The following RARB variants were observed in gnomAD, a reference collection of about 807,000 sequenced individuals.
RARB encodes retinoic acid receptor beta, also known as HBV-activated protein.
A neutral mutation model predicts 51.9 loss-of-function variants in RARB; 17 were observed. The observed-to-expected ratio is 0.33, with a 90% CI of 0.22 to 0.49. RARB has a LOEUF of 0.49. RARB is among the 20% of genes least tolerant of loss of function. The pLI is 0.99. For synonymous variants in RARB, 215 were observed against 195.4 expected, an observed-to-expected ratio of 1.10 and a Z score of -0.84; for missense variants, 369 against 550.8, an observed-to-expected ratio of 0.67 and a Z score of 3.30.
chr3:25,303,005 A>G (rs140721446), intron 5 of RARB, among the ~76,000 whole-genome samples: 2,188 of 152,294 alleles, frequency 0.014, 29 homozygotes, highest in Middle Eastern at 0.034. Context: ...AGACTAGACA[A>G]TAATCTGAAT....
intron 5 of RARB, among the ~76,000 whole-genome samples, chr3:25,263,604 C>G (rs1035889808): frequency 6.6e-6 from 1 of 152,186 alleles, no homozygotes; most frequent in Non-Finnish European, 1.5e-5. Flanking sequence ...CTAACACACA[C>G]AGGCTATGGG....
intron 2 of RARB, among the ~76,000 whole-genome samples, chr3:24,895,492 T>C (rs1255688075): frequency 6.6e-6 from 1 of 152,192 alleles, no homozygotes; most frequent in African/African-American, 2.4e-5. Flanking sequence ...CTGTTCTAGA[T>C]TAAAGCTTAT....
At chr3:25,273,927 C>T (rs758129213) in intron 5 of RARB, among the ~76,000 whole-genome samples, 12 of 152,176 alleles carry the variant, frequency 7.9e-5, no homozygotes, top group East Asian at 1.9e-4. Context: ...AGCCCATTCT[C>T]TATGACTCCC....
In RARB at chr3:24,901,781, G is replaced by A. The variant is rs1303567157; in HGVS notation, c.-380+43029G>A. Among the ~76,000 whole-genome samples the A allele has an allele frequency of 7.2e-5, 11 of 152,044 alleles. No homozygotes were observed. In the East Asian group the frequency reaches 1.9e-3, roughly 27 times the overall value. ...ACTAGGGGGATTCCTCTGAGCTGTC[G>A]CTTCTTAGAATAGCAGTTTTAAGAT... On this transcript the variant is annotated intron_variant, in intron 2 of 11. Transcript: ENST00000383772.
At chr3:25,142,532 T>C (rs1000119350) in intron 4 of RARB, among the ~76,000 whole-genome samples, 3 of 152,102 alleles carry the variant, frequency 2.0e-5, no homozygotes, top group African/African-American at 7.2e-5. Flanking sequence ...ATATAATCTC[T>C]ATGTCCTTCC....
intron 4 of RARB, among the ~76,000 whole-genome samples, chr3:25,142,830 G>A (rs553840459): frequency 2.0e-5 from 3 of 152,052 alleles, no homozygotes; most frequent in South Asian, 2.1e-4. Flanking sequence ...GTCAAGATGC[G>A]GGAGAAAATG....
chr3:25,428,665 T>G lies in RARB; in HGVS notation c.-67T>G, dbSNP rs533573901. 284 of 1,529,454 alleles carry G rather than the reference T, an allele frequency of 1.9e-4. No homozygotes were observed. Among genetic ancestry groups the G allele is most frequent in the Middle Eastern group, 1.3e-3 (7 of 5,320 alleles). The allele number at this position is 1,529,454 out of a possible 1,614,324, so 94.7% of individuals were successfully genotyped here. ...GAGTTTGATGGAGTTGGGTGGACTT[T>G]TCTATGCCATTTGCCTCCACACCTA... On this transcript the variant is annotated 5_prime_UTR_variant, in exon 1 of 8. Coordinates refer to ENST00000330688, the MANE Select transcript of RARB (RefSeq NM_000965.5).
intron 2 of RARB, among the ~76,000 whole-genome samples, chr3:25,040,182 G>A (rs1292922436): frequency 2.6e-5 from 4 of 152,178 alleles, no homozygotes; most frequent in East Asian, 1.9e-4. Flanking sequence ...GCAAAGTGAA[G>A]CTCTTTGGGG....
intron 2 of RARB, among the ~76,000 whole-genome samples, chr3:24,975,940 C>A (rs561833819): frequency 6.6e-6 from 1 of 152,286 alleles, no homozygotes; most frequent in African/African-American, 2.4e-5. Context: ...CAACAACAGG[C>A]CCCAGTGTGG....
At chr3:25,072,369 G>A (rs1698784360) in intron 3 of RARB, among the ~76,000 whole-genome samples, 1 of 152,144 alleles carries the variant, frequency 6.6e-6, no homozygotes, top group South Asian at 2.1e-4. Flanking sequence ...GTTAGTAGAT[G>A]AGAGAGTTCA....
intron 2 of RARB, among the ~76,000 whole-genome samples, chr3:24,873,711 C>A (rs151336305): frequency 2.0e-5 from 3 of 151,526 alleles, no homozygotes; most frequent in African/African-American, 4.8e-5. Flanking sequence ...TAAATTTTCC[C>A]CAAATGAGTG....
At chr3:24,917,150 C>A (rs892293961) in intron 2 of RARB, among the ~76,000 whole-genome samples, 8 of 151,958 alleles carry the variant, frequency 5.3e-5, no homozygotes, top group African/African-American at 1.9e-4. Context: ...GAAATTGGTA[C>A]CTTAGTGGGA....
chr3:25,063,708 C>CT (rs749930990), intron 3 of RARB, among the ~76,000 whole-genome samples: 32 of 138,388 alleles, frequency 2.3e-4, no homozygotes, highest in African/African-American at 4.0e-4. Flanking sequence ...TAGTTTGAGA[C>CT]TTTTTTTTTT....
At chr3:25,396,115 T>A (rs947073633) in intron 5 of RARB, among the ~76,000 whole-genome samples, 1 of 152,214 alleles carries the variant, frequency 6.6e-6, no homozygotes, top group Non-Finnish European at 1.5e-5. Flanking sequence ...CAGACTGTAG[T>A]GACTGTTATT....
At chr3:24,834,256 T>C (rs1046216634) in intron 1 of RARB, among the ~76,000 whole-genome samples, 6 of 152,224 alleles carry the variant, frequency 3.9e-5, no homozygotes, top group African/African-American at 1.4e-4. Flanking sequence ...TGTTTGATTG[T>C]TAATTTTAGG....
At chr3:25,283,943 A>G (rs1169567079) in intron 5 of RARB, among the ~76,000 whole-genome samples, 1 of 152,190 alleles carries the variant, frequency 6.6e-6, no homozygotes, top group Admixed American at 6.5e-5. Flanking sequence ...GAGTGGACCT[A>G]GTGACTTTCT....
intron 2 of RARB, among the ~76,000 whole-genome samples, chr3:24,940,638 C>A (rs1281828736): frequency 6.6e-6 from 1 of 152,108 alleles, no homozygotes; most frequent in Non-Finnish European, 1.5e-5. Flanking sequence ...AATTGAGTTC[C>A]TGTCCATGTG....
chr3:25,186,074 C>A (rs369221810), intron 5 of RARB, among the ~76,000 whole-genome samples: 1 of 151,880 alleles, frequency 6.6e-6, no homozygotes, highest in African/African-American at 2.4e-5. Context: ...ATACAACTAA[C>A]AAAGACAAAA....
chr3:24,852,737 G>T (rs892212726), intron 1 of RARB, among the ~76,000 whole-genome samples: 8 of 152,280 alleles, frequency 5.3e-5, no homozygotes, highest in South Asian at 2.1e-4. Context: ...TAACTGAAAG[G>T]ATCCAGACAT....
Sources: allele counts gnomAD v4.1 joint callset (sites outside exome capture counted in the v4.1 genomes callset), GRCh38; gene constraint gnomAD v4.1.1; transcripts MANE v1.5; gene names NCBI Gene and HGNC (gene_info 2026-07-23, HGNC 2026-07-21).